The following ALG12 variants were observed in gnomAD, a reference collection of about 807,000 sequenced individuals.
ALG12 encodes the protein dol-P-Man:Man(7)GlcNAc(2)-PP-Dol alpha-1,6-mannosyltransferase.
ALG12 carries 36 observed loss-of-function variants against 46.0 expected under a neutral mutation model. That is an observed-to-expected ratio of 0.78 (90% CI 0.60 to 1.03). ALG12 has a LOEUF of 1.03. Among genes scored for constraint, ALG12 ranks in the 50% least tolerant of loss-of-function variants. The probability of loss-of-function intolerance (pLI) is 0.00; values close to 1 mark genes in which losing one functional copy is unlikely to be tolerated. For synonymous variants in ALG12, 326 were observed against 291.6 expected (o/e 1.12, Z -1.20); for missense variants, 599 against 633.5 (o/e 0.95, Z 0.58).
the ALG12 span, among the ~76,000 whole-genome samples, chr22:49,893,208 G>A: frequency 1.3e-5 from 2 of 152,178 alleles, no homozygotes; most frequent in Admixed American, 6.5e-5. Context: ...CACAGCTGAC[G>A]GGAGTCCCAG....
downstream of ALG12, among the ~76,000 whole-genome samples, chr22:49,898,958 CA>C (rs916817654): frequency 1.4e-3 from 195 of 142,240 alleles, 1 homozygote; most frequent in African/African-American, 4.2e-3. Flanking sequence ...TATTCATAGA[CA>C]AAAAAAAAAA....
chr22:49,899,734 T>TA (rs1226695324), downstream of ALG12, among the ~76,000 whole-genome samples: 1 of 152,084 alleles, frequency 6.6e-6, no homozygotes, highest in Non-Finnish European at 1.5e-5. Context: ...TATCTGAATT[T>TA]ACAAAATATT....
At chr22:49,894,057 C>T in the ALG12 span, among the ~76,000 whole-genome samples, 3 of 152,054 alleles carry the variant, frequency 2.0e-5, no homozygotes, top group African/African-American at 4.8e-5. Context: ...CCCAGCTACT[C>T]GGGAGGTTGA....
the ALG12 span, among the ~76,000 whole-genome samples, chr22:49,875,847 G>GT: frequency 6.6e-6 from 1 of 151,788 alleles, no homozygotes; most frequent in Non-Finnish European, 1.5e-5. Flanking sequence ...GGTAAATTCT[G>GT]TCTTCTCCAT....
Position 49,904,550 on chromosome 22 carries a change from A to G in ALG12, c.993-44T>C, listed in dbSNP as rs1177616179. ...CACATCATAGGCAGAACGTAATGAC[A>G]ATAAAATTAATCTACCTACAAAACA... is the stretch of plus-strand genomic sequence containing the variant. On this transcript the variant is annotated intron_variant, in intron 7 of 9. Coordinates refer to ENST00000330817, the MANE Select transcript of ALG12 (RefSeq NM_024105.4). 3 of 1,606,816 alleles carry G rather than the reference A, an allele frequency of 1.9e-6. No individual in the cohort carries two copies. In the South Asian group the frequency reaches 3.3e-5, roughly 18 times the overall value.
chr22:49,870,346 G>A, the ALG12 span, among the ~76,000 whole-genome samples: 1 of 152,188 alleles, frequency 6.6e-6, no homozygotes, highest in Non-Finnish European at 1.5e-5. Context: ...ATACCTGGTA[G>A]TGGCATCACT....
Position 49,900,508 on chromosome 22 carries a change from G to A in ALG12, c.*3330C>T, listed in dbSNP as rs1214248022. On this transcript the variant is annotated 3_prime_UTR_variant, in exon 10 of 10. Transcript: ENST00000330817. ...GCACCACTACACTGACGGTGGAGAA[G>A]CCGACCCAAGGAACTCATGAGCACA... 6.6e-6 allele frequency: 1 copy of A among 152,258 alleles called. No homozygotes were observed. Among genetic ancestry groups the A allele is most frequent in the Non-Finnish European group, 1.5e-5 (1 of 68,076 alleles). 9.4% of individuals were successfully genotyped at this position (152,258 alleles called of 1,614,324 possible).
At chr22:49,893,645 T>TA in the ALG12 span, among the ~76,000 whole-genome samples, 1 of 152,060 alleles carries the variant, frequency 6.6e-6, no homozygotes, top group Non-Finnish European at 1.5e-5. Flanking sequence ...AGCCCTAAAA[T>TA]ATATCCTGGA....
downstream of ALG12, among the ~76,000 whole-genome samples, chr22:49,895,705 G>A (rs1199400653): frequency 2.0e-5 from 3 of 151,792 alleles, no homozygotes; most frequent in Admixed American, 2.0e-4. Context: ...TATCCTTGAG[G>A]GAAGACCATT....
the ALG12 span, among the ~76,000 whole-genome samples, chr22:49,891,367 A>G: frequency 6.6e-6 from 1 of 152,286 alleles, no homozygotes; most frequent in Non-Finnish European, 1.5e-5. Flanking sequence ...CTCAACTTCA[A>G]TTTTGAACCA....
the ALG12 span, among the ~76,000 whole-genome samples, chr22:49,879,178 G>T: frequency 6.6e-6 from 1 of 150,740 alleles, no homozygotes; most frequent in Non-Finnish European, 1.5e-5. Context: ...AAACAGGAGT[G>T]AAGTGGCGCA....
the ALG12 span, among the ~76,000 whole-genome samples, chr22:49,879,387 G>A: frequency 3.3e-5 from 5 of 151,882 alleles, no homozygotes; most frequent in South Asian, 2.1e-4. Context: ...TCATCCTCCC[G>A]AAGTGCTGCG....
At chr22:49,887,315 A>G in the ALG12 span, 1 of 927,124 alleles carries the variant, frequency 1.1e-6, no homozygotes, top group Admixed American at 2.8e-5. Context: ...CCAGCTCACC[A>G]CAGTGTCTCC....
At chr22:49,897,574 T>C (rs2060487988), downstream of ALG12, among the ~76,000 whole-genome samples, 1 of 152,062 alleles carries the variant, frequency 6.6e-6, no homozygotes, top group African/African-American at 2.4e-5. Flanking sequence ...CTAATGACCA[T>C]ATAATGAGGA....
At position 49,904,183 on chromosome 22, in the gene ALG12, A is replaced by C; in HGVS notation, c.1234T>G (p.Trp412Gly). The C allele has an allele frequency of 6.2e-7, 1 of 1,614,084 alleles. No homozygotes were observed. The highest frequency in any genetic ancestry group is 8.5e-7 in the Non-Finnish European group (1 of 1,179,988). Reference protein sequence around the residue: ...VSRFLQVNSAWRYDKREDVQP... With the variant: ...VSRFLQVNSAGRYDKREDVQP... The stretch of plus-strand genomic sequence containing the variant: ...CGTGCTGTGTGTGGATCCTACCTCC[A>C]GGCGCTGTTGACTTGGAGAAACCGA... The change falls in exon 9 of 10, where the codon TGG becomes GGG. Residue 412 changes from tryptophan (W) to glycine (G), a missense_variant. By Grantham distance (184) the Trp-to-Gly change is radical. Coordinates refer to ENST00000330817, the MANE Select transcript of ALG12 (RefSeq NM_024105.4).
intron 4 of ALG12, 84 bp from the exon 5 acceptor site, chr22:49,910,172 C>T: frequency 4.9e-6 from 7 of 1,427,904 alleles, no homozygotes; most frequent in East Asian, 2.5e-5. Flanking sequence ...AGGGTGATTC[C>T]TTTTCCTATT....
downstream of ALG12, among the ~76,000 whole-genome samples, chr22:49,895,518 G>A (rs936822710): frequency 3.9e-5 from 6 of 152,046 alleles, no homozygotes; most frequent in African/African-American, 1.4e-4. Flanking sequence ...CAGGTGTGGT[G>A]GTGCGCACCT....
intron 3 of ALG12, 28 bp from the exon 4 acceptor site, chr22:49,910,635 G>A (rs1307307198): frequency 1.9e-6 from 3 of 1,613,888 alleles, no homozygotes; most frequent in Non-Finnish European, 1.7e-6. Flanking sequence ...CAGCACCTGA[G>A]CCTGCAGTGG....
the ALG12 span, chr22:49,885,851 T>A: frequency 6.9e-7 from 1 of 1,455,376 alleles, no homozygotes; most frequent in Non-Finnish European, 9.6e-7. Flanking sequence ...GTGATCCACT[T>A]CACGTCTGGA....
Sources: allele counts gnomAD v4.1 joint callset (sites outside exome capture counted in the v4.1 genomes callset), GRCh38; gene constraint gnomAD v4.1.1; transcripts MANE v1.5; gene names NCBI Gene and HGNC (gene_info 2026-07-23, HGNC 2026-07-21).